Variants in NIN observed in about 807,000 individuals in gnomAD.
NIN encodes the protein glycogen synthase kinase 3 beta-interacting protein.
In NIN, 137 loss-of-function variants were observed where a neutral mutation model predicts 257.6. The ratio of observed to expected loss-of-function variants is 0.53; its 90% CI spans 0.46 to 0.61. The LOEUF (loss-of-function observed/expected upper bound fraction) is 0.61, where lower values mean the gene tolerates loss of function less well. NIN is among the 20% of genes least tolerant of loss of function. The pLI is 0.00. For missense variants in NIN, 2,439 were observed against 2,501.2 expected, an observed-to-expected ratio of 0.98 and a Z score of 0.53; for synonymous variants, 918 against 919.8, an observed-to-expected ratio of 1.00 and a Z score of 0.04.
Position 50,760,048 on chromosome 14 carries a change from T to C in NIN, c.2208A>G (p.Ala736=). 1.9e-6 allele frequency: 3 copies of C among 1,614,216 alleles called. No individual in the cohort carries two copies. The highest frequency in any genetic ancestry group is 2.5e-6 in the Non-Finnish European group (3 of 1,180,034). The change falls in exon 17 of 31, where the codon GCA becomes GCG. Residue 736 remains alanine, a synonymous_variant. Coordinates refer to ENST00000530997, the MANE Select transcript of NIN (RefSeq NM_020921.4). ...ELKARLTQAQ[A]SFEREREGLQ... is the part of the protein sequence containing the mutation. ...GGCCTTCCCTCTCCCGCTCAAAGCT[T>C]GCTTGAGCCTGTGTCAGTCTAGCCT...
intron 28 of NIN, chr14:50,731,033 G>GAGTT (rs2040668746): frequency 2.2e-6 from 2 of 914,034 alleles, no homozygotes; most frequent in Non-Finnish European, 3.1e-6. Context: ...AAAATTACAG[G>GAGTT]AGTTAGAGAA....
Position 50,806,782 on chromosome 14 carries a change from T to C in NIN, c.220A>G (p.Ile74Val), listed in dbSNP as rs919930968. 1.3e-6 allele frequency: 2 copies of C among 1,582,056 alleles called. No homozygotes were observed. Among genetic ancestry groups the C allele is most frequent in the East Asian group, 2.2e-5 (1 of 44,564 alleles). The change falls in exon 4 of 31, where the codon ATC (isoleucine) becomes GTC (valine). Residue 74 changes from isoleucine to valine, a missense_variant. Physicochemically the swap from Ile to Val is conservative, Grantham distance 29. Around this residue, in one of 3 missense-constraint regions of NIN, gnomAD observed 387 missense variants for 427.3 expected, o/e 0.91. Transcript: ENST00000530997. ...FDQFKEALILILSRTLSNEEH... is the reference protein window; with the variant it reads ...FDQFKEALILVLSRTLSNEEH... ...TCATTTGACAGAGTTCTGGACAAGA[T>C]GAGTATTAATGCTTCTTTAAATTGG...
intron 3 of NIN, 92 bp downstream of exon 3, chr14:50,821,782 C>G (rs928522839): frequency 1.0e-6 from 1 of 960,348 alleles, no homozygotes; most frequent in Non-Finnish European, 1.6e-6. Flanking sequence ...ATGCTAGAAA[C>G]AAGTTGCAAC....
At chr14:50,764,838 G>A (rs930381703) in intron 14 of NIN, among the ~76,000 whole-genome samples, 2 of 152,048 alleles carry the variant, frequency 1.3e-5, no homozygotes, top group African/African-American at 4.8e-5. Context: ...GCTAAGTGGA[G>A]AAGGGGTTTC....
At chr14:50,814,387 C>T (rs2044781251) in intron 3 of NIN, among the ~76,000 whole-genome samples, 1 of 152,092 alleles carries the variant, frequency 6.6e-6, no homozygotes, top group Non-Finnish European at 1.5e-5. Context: ...GGGAAAGGAG[C>T]ATACAGCCAA....
intron 3 of NIN, among the ~76,000 whole-genome samples, chr14:50,820,672 G>A (rs2045168701): frequency 6.6e-6 from 1 of 152,060 alleles, no homozygotes; most frequent in Non-Finnish European, 1.5e-5. Context: ...GCATTTTATG[G>A]GGACCACATG....
At chr14:50,828,059 T>G (rs913180184) in intron 2 of NIN, among the ~76,000 whole-genome samples, 2 of 143,810 alleles carry the variant, frequency 1.4e-5, no homozygotes, top group Non-Finnish European at 3.0e-5. Context: ...AATCAACTAC[T>G]AAGTAAATTA....
chr14:50,802,858 T>C (rs1469897137), intron 4 of NIN, among the ~76,000 whole-genome samples: 1 of 152,250 alleles, frequency 6.6e-6, no homozygotes, highest in African/African-American at 2.4e-5. Flanking sequence ...CTGACTTTTC[T>C]ATATTATAGT....
rs1414737859 is a variant in NIN at position 50,738,277 on chromosome 14, A to T, written c.5638T>A (p.Leu1880Met). 1 of 1,613,516 alleles carries T rather than the reference A, an allele frequency of 6.2e-7. No individual in the cohort carries two copies. The highest frequency in any genetic ancestry group is 1.3e-5 in the African/African-American group (1 of 74,920). ...TGCTTGGGAAGAAGATTGGATTCCA[A>T]CTGACGGACCTAACAGGAACAAATG... The part of the protein sequence containing the change: ...LTHSREKVRQ[L>M]ESNLLPKHQK... The change falls in exon 27 of 31, where the codon TTG becomes ATG. Residue 1880 changes from leucine (L) to methionine (M), a missense_variant. By Grantham distance (15) the Leu-to-Met change is conservative. This residue lies in a region of NIN where 2,043 missense variants were observed against 2,050.2 expected (regional missense o/e 1.00). Transcript: ENST00000530997.
intron 27 of NIN, among the ~76,000 whole-genome samples, 176 bp downstream of exon 27, chr14:50,737,964 C>G (rs1485475582): frequency 1.3e-5 from 2 of 152,070 alleles, no homozygotes; most frequent in Admixed American, 1.3e-4. Context: ...TTTTTTCAAC[C>G]ATTATTCAAT....
At chr14:50,805,378 A>C (rs2044279876) in intron 4 of NIN, among the ~76,000 whole-genome samples, 1 of 152,220 alleles carries the variant, frequency 6.6e-6, no homozygotes, top group Admixed American at 6.5e-5. Context: ...GGAAAATTTC[A>C]AGAATGCAAT....
At chr14:50,734,583 G>GC in intron 28 of NIN, among the ~76,000 whole-genome samples, 1 of 152,188 alleles carries the variant, frequency 6.6e-6, no homozygotes, top group Non-Finnish European at 1.5e-5. Flanking sequence ...ACATAAGTTT[G>GC]TTATATCCTA....
intron 4 of NIN, among the ~76,000 whole-genome samples, chr14:50,793,251 T>G (rs941392092): frequency 1.3e-5 from 2 of 151,982 alleles, no homozygotes; most frequent in African/African-American, 2.4e-5. Context: ...AAGAGACACC[T>G]TGGAGGAAGT....
At chr14:50,817,943 T>G (rs111626816) in intron 3 of NIN, among the ~76,000 whole-genome samples, 12,852 of 151,826 alleles carry the variant, frequency 0.085, 705 homozygotes, top group Admixed American at 0.13. Flanking sequence ...CTCGAATTCC[T>G]GAGCTCCGGC....
intron 2 of NIN, among the ~76,000 whole-genome samples, chr14:50,822,443 C>T (rs1016175414): frequency 3.9e-5 from 6 of 152,150 alleles, no homozygotes; most frequent in African/African-American, 7.2e-5. Context: ...CTCTTCTAGC[C>T]CAGGATTTTA....
At chr14:50,822,886 T>C (rs146620395) in intron 2 of NIN, among the ~76,000 whole-genome samples, 1 of 152,314 alleles carries the variant, frequency 6.6e-6, no homozygotes, top group Non-Finnish European at 1.5e-5. Flanking sequence ...TATTTCAACC[T>C]TTCAGACAGT....
chr14:50,826,170 T>C (rs2045448898), intron 2 of NIN, among the ~76,000 whole-genome samples: 1 of 152,154 alleles, frequency 6.6e-6, no homozygotes, highest in Non-Finnish European at 1.5e-5. Context: ...ACTCAGAGAT[T>C]AAGAAAGTTA....
intron 21 of NIN, among the ~76,000 whole-genome samples, chr14:50,750,135 T>C (rs1204706586): frequency 1.3e-5 from 2 of 152,184 alleles, no homozygotes; most frequent in African/African-American, 4.8e-5. Context: ...AAAACATCTT[T>C]TTCCTTCTGG....
At position 50,757,707 on chromosome 14, in the gene NIN, A is replaced by C; in HGVS notation, c.3323T>G (p.Leu1108Trp). 6.2e-7 allele frequency: 1 copy of C among 1,614,182 alleles called. No individual in the cohort carries two copies. The highest frequency in any genetic ancestry group is 1.7e-5 in the Admixed American group (1 of 60,018). Reference protein sequence around the residue: ...LEPGLVMSSCLDEPATEFFGN... With the variant: ...LEPGLVMSSCWDEPATEFFGN... ...AAAAAACTCAGTAGCTGGCTCATCC[A>C]AACAAGAAGACATTACTAACCCTGG... Residue 1108 changes from leucine to tryptophan, a missense_variant, in exon 18 of 31, where the codon TTG (leucine) becomes TGG (tryptophan). By Grantham distance (61) the Leu-to-Trp change is moderately conservative. This residue lies in a region of NIN where 2,043 missense variants were observed against 2,050.2 expected (regional missense o/e 1.00). Transcript: ENST00000530997.
Sources: allele counts gnomAD v4.1 joint callset (sites outside exome capture counted in the v4.1 genomes callset), GRCh38; gene constraint gnomAD v4.1.1; regional missense constraint gnomAD v4.1.1; transcripts MANE v1.5; gene names NCBI Gene and HGNC (gene_info 2026-07-23, HGNC 2026-07-21).